TENM3: variants seen among roughly 807,000 people sequenced by gnomAD.
TENM3 encodes teneurin transmembrane protein 3.
A neutral mutation model predicts 255.1 loss-of-function variants in TENM3; 63 were observed. That is an observed-to-expected ratio of 0.25 (90% confidence interval 0.20 to 0.30). The LOEUF is 0.30. TENM3 is among the 10% of genes least tolerant of loss of function. TENM3 has a pLI of 1.00. For missense variants in TENM3, 2,929 were observed against 3,461.1 expected (o/e 0.85, Z 3.86); for synonymous variants, 1,306 against 1,322.3 (o/e 0.99, Z 0.27).
chr4:181,555,898 T>C, the TENM3 span, among the ~76,000 whole-genome samples: 8 of 152,204 alleles, frequency 5.3e-5, no homozygotes, highest in Non-Finnish European at 1.2e-4. Flanking sequence ...GAGTGGGCCA[T>C]GAAGCTTGGC....
the TENM3 span, among the ~76,000 whole-genome samples, chr4:181,608,550 T>C: frequency 6.6e-6 from 1 of 151,266 alleles, no homozygotes; most frequent in African/African-American, 2.5e-5. Context: ...ATGCCTTGGA[T>C]TGGACCGGCT....
chr4:181,930,786 A>G, the TENM3 span, among the ~76,000 whole-genome samples: 1 of 152,210 alleles, frequency 6.6e-6, no homozygotes, highest in Non-Finnish European at 1.5e-5. Context: ...GGCAAACCGA[A>G]TCCAGCAGCA....
At chr4:181,516,252 T>C in the TENM3 span, among the ~76,000 whole-genome samples, 149,174 of 151,932 alleles carry the variant, frequency 0.98, 73,290 homozygotes, top group East Asian at 1. Flanking sequence ...ATAGCTAATG[T>C]ATGCAGGGCT....
chr4:181,772,121 T>C, the TENM3 span, among the ~76,000 whole-genome samples: 2 of 152,208 alleles, frequency 1.3e-5, no homozygotes, highest in Non-Finnish European at 2.9e-5. Context: ...GGCTCACGCC[T>C]GTAATCCCAG....
intron 2 of TENM3, among the ~76,000 whole-genome samples, chr4:182,328,125 G>A (rs1177082742): frequency 6.6e-6 from 1 of 152,152 alleles, no homozygotes; most frequent in African/African-American, 2.4e-5. Flanking sequence ...AATCAGTGTT[G>A]GGGTTGTGAA....
chr4:182,572,804 C>T (rs956152611), intron 3 of TENM3, among the ~76,000 whole-genome samples: 6 of 152,106 alleles, frequency 3.9e-5, no homozygotes, highest in African/African-American at 1.4e-4. Flanking sequence ...GTGATACCTG[C>T]CTGATTCAGG....
At chr4:182,598,166 G>A (rs1747462723) in intron 3 of TENM3, among the ~76,000 whole-genome samples, 2 of 152,208 alleles carry the variant, frequency 1.3e-5, no homozygotes, top group Admixed American at 1.3e-4. Context: ...GGGCAACAGA[G>A]CGAGACCCTG....
intron 1 of TENM3, among the ~76,000 whole-genome samples, chr4:182,186,799 A>G (rs1753189292): frequency 1.2e-5 from 1 of 86,790 alleles, no homozygotes; most frequent in South Asian, 4.0e-4. Context: ...ATATATATAT[A>G]TATATATATA....
At chr4:182,186,162 T>C (rs940896656) in intron 1 of TENM3, among the ~76,000 whole-genome samples, 1 of 152,176 alleles carries the variant, frequency 6.6e-6, no homozygotes, top group Non-Finnish European at 1.5e-5. Context: ...GTGTTCAGGT[T>C]CCTATGTGTG....
the TENM3 span, among the ~76,000 whole-genome samples, chr4:181,477,281 A>G: frequency 6.6e-6 from 1 of 152,178 alleles, no homozygotes; most frequent in Non-Finnish European, 1.5e-5. Flanking sequence ...GGGGACTTGA[A>G]TAAGTGATCT....
the TENM3 span, among the ~76,000 whole-genome samples, chr4:181,994,688 C>A: frequency 6.6e-6 from 1 of 150,478 alleles, no homozygotes. Context: ...ATTAAAAAAT[C>A]AACAAAATTG....
chr4:181,612,899 G>T, the TENM3 span, among the ~76,000 whole-genome samples: 9 of 152,228 alleles, frequency 5.9e-5, no homozygotes, highest in East Asian at 1.7e-3. Context: ...TTTGAGGGAC[G>T]TTAAATCCTG....
the TENM3 span, among the ~76,000 whole-genome samples, chr4:182,127,284 T>C: frequency 6.6e-6 from 1 of 152,252 alleles, no homozygotes; most frequent in African/African-American, 2.4e-5. Flanking sequence ...ATAACTTTCA[T>C]AATTGTACGT....
At chr4:182,768,683 T>C (rs1191653834) in intron 22 of TENM3, among the ~76,000 whole-genome samples, 1 of 152,170 alleles carries the variant, frequency 6.6e-6, no homozygotes, top group African/African-American at 2.4e-5. Flanking sequence ...ATAATCCCAC[T>C]ACTTAGGAAA....
intron 3 of TENM3, among the ~76,000 whole-genome samples, chr4:182,438,508 C>A (rs1433870673): frequency 1.3e-5 from 2 of 152,146 alleles, no homozygotes; most frequent in Non-Finnish European, 2.9e-5. Flanking sequence ...TCATAAATTG[C>A]TGTTAATCAG....
In TENM3 at chr4:182,799,791, C is replaced by T. The variant is rs771960668; in HGVS notation, c.7540C>T (p.Leu2514Phe). ...CCAGGGCCGCGTGCAGACCAACGTG[C>T]TCAACATCGCCAACGAGGACTGCAT... ...VSQGRVQTNV[L>F]NIANEDCIKV... Residue 2514 changes from leucine to phenylalanine, a missense_variant, in exon 28 of 28, where the codon CTC becomes TTC. Leu to Phe is a conservative substitution (Grantham distance 22). Transcript: ENST00000511685. This position sits in a 1 kb window ranked among gnomAD's most constrained non-coding sequence, Gnocchi z 4.2. 1 of 1,602,668 alleles carries T rather than the reference C, an allele frequency of 6.2e-7. No individual in the cohort carries two copies. Among genetic ancestry groups the T allele is most frequent in the African/African-American group, 1.3e-5 (1 of 74,836 alleles).
Position 182,621,782 on chromosome 4 carries a change from AT to A in TENM3, c.750-6867del, listed in dbSNP as rs1374632657. ...ATATAATAATTATATATTATATATAATTATATATATAATATATAATATATAT... is the reference window on the plus strand; with the variant it reads ...ATATAATAATTATATATTATATATAATATATATATAATATATAATATATAT... On this transcript the variant is annotated intron_variant, in intron 4 of 27. Transcript: ENST00000511685. 1.8e-4 allele frequency among the ~76,000 whole-genome samples: 13 copies of A among 70,414 alleles called. 1 individual carries two copies. The highest frequency in any genetic ancestry group is 7.1e-4 in the African/African-American group (13 of 18,248). The allele number at this position is 70,414 out of a possible 152,430, so 46.2% of individuals were successfully genotyped here. A position where few individuals can be genotyped will look rare whatever the true frequency, so the allele number is the denominator to read the frequency against.
At chr4:181,572,487 C>A in the TENM3 span, among the ~76,000 whole-genome samples, 1 of 152,124 alleles carries the variant, frequency 6.6e-6, no homozygotes, top group Non-Finnish European at 1.5e-5. Flanking sequence ...GTGGTAGAAG[C>A]AATATGCTCC....
chr4:181,708,602 C>A, the TENM3 span, among the ~76,000 whole-genome samples: 2 of 150,424 alleles, frequency 1.3e-5, no homozygotes, highest in Non-Finnish European at 1.5e-5. Flanking sequence ...CTAAAACCAA[C>A]ACTCTATGAA....
Sources: allele counts gnomAD v4.1 joint callset (sites outside exome capture counted in the v4.1 genomes callset), GRCh38; gene constraint gnomAD v4.1.1; non-coding constraint Gnocchi (gnomAD v3.1); transcripts MANE v1.5; gene names NCBI Gene and HGNC (gene_info 2026-07-23, HGNC 2026-07-21).